NDRG1: variants seen among roughly 807,000 people sequenced by gnomAD.
The protein encoded by NDRG1 is N-myc downstream regulated 1, also known as protein NDRG1.
Under a neutral mutation model 56.9 loss-of-function variants are expected in NDRG1, and 32 were observed. The ratio of observed to expected loss-of-function variants is 0.56; its 90% CI spans 0.42 to 0.76. NDRG1 has a LOEUF of 0.76. NDRG1 is among the 30% of genes least tolerant of loss of function. NDRG1 has a pLI of 0.00. For synonymous variants in NDRG1, 211 were observed against 204.1 expected, an observed-to-expected ratio of 1.03 and a Z score of -0.29; for missense variants, 507 against 545.7, an observed-to-expected ratio of 0.93 and a Z score of 0.71.
intron 1 of NDRG1, among the ~76,000 whole-genome samples, chr8:133,286,246 T>C (rs188976444): frequency 1.3e-5 from 2 of 152,342 alleles, no homozygotes; most frequent in East Asian, 3.9e-4. Context: ...TTCAGTAAAA[T>C]TCACTTTTAA....
intron 14 of NDRG1, among the ~76,000 whole-genome samples, chr8:133,242,782 G>A: frequency 1.3e-5 from 1 of 77,094 alleles, no homozygotes; most frequent in East Asian, 2.8e-4. Flanking sequence ...AAGAATTGAT[G>A]GACAAAAGGA....
rs1249886836 is a variant in NDRG1 at position 133,286,711 on chromosome 8, G to T, written c.-18-2382C>A. On this transcript the variant is annotated intron_variant, in intron 1 of 15. Coordinates refer to ENST00000323851, the MANE Select transcript of NDRG1 (RefSeq NM_006096.4). ...ATCACGGGGTATATCTAAACTAGGG[G>T]GGATTTTCTCTCCCAGGGGACATTT... 4.6e-5 allele frequency among the ~76,000 whole-genome samples: 7 copies of T among 152,264 alleles called. No individual in the cohort carries two copies. In the East Asian group the frequency reaches 1.4e-3, roughly 29 times the overall value.
intron 2 of NDRG1, among the ~76,000 whole-genome samples, chr8:133,283,639 A>C (rs1308418863): frequency 1.3e-5 from 2 of 152,230 alleles, no homozygotes; most frequent in African/African-American, 4.8e-5. Flanking sequence ...ACTGTTCCCT[A>C]TGAATTAGGT....
intron 2 of NDRG1, among the ~76,000 whole-genome samples, 169 bp downstream of exon 2, chr8:133,284,074 CTGTATG>C (rs1857963353): frequency 6.6e-6 from 1 of 152,204 alleles, no homozygotes; most frequent in African/African-American, 2.4e-5. Flanking sequence ...GCATGTGTGT[CTGTATG>C]CTATGTACAT....
chr8:133,258,277 C>T (rs1452992660), intron 7 of NDRG1, 89 bp downstream of exon 7: 2 of 1,362,034 alleles, frequency 1.5e-6, no homozygotes, highest in Non-Finnish European at 1.0e-6. Flanking sequence ...TTCTTTTTCC[C>T]TTTTGGGTTT....
At chr8:133,262,668 G>A (rs754233605) in intron 4 of NDRG1, among the ~76,000 whole-genome samples, 3 of 152,282 alleles carry the variant, frequency 2.0e-5, no homozygotes, top group Non-Finnish European at 4.4e-5. Flanking sequence ...TAAGGAAGTC[G>A]GGCTGCTCAC....
At chr8:133,261,048 G>C (rs897933146) in intron 5 of NDRG1, among the ~76,000 whole-genome samples, 4 of 152,194 alleles carry the variant, frequency 2.6e-5, no homozygotes, top group Admixed American at 6.5e-5. Context: ...ATGTTCCAAA[G>C]AGGATACACG....
chr8:133,246,724 C>T, intron 12 of NDRG1, 61 bp from the exon 13 acceptor site: 1 of 1,437,888 alleles, frequency 7.0e-7, no homozygotes, highest in Non-Finnish European at 9.8e-7. Flanking sequence ...AAACATCTCC[C>T]CCTTCTCCGC....
intron 1 of NDRG1, 149 bp from the exon 2 acceptor site, chr8:133,284,478 G>A: frequency 1.4e-6 from 1 of 709,402 alleles, no homozygotes; most frequent in Non-Finnish European, 2.5e-6. Flanking sequence ...GGATGAGGAG[G>A]TCCCTTGTAC....
chr8:133,291,934 T>C (rs1367011099), intron 1 of NDRG1, among the ~76,000 whole-genome samples: 2 of 151,824 alleles, frequency 1.3e-5, no homozygotes, highest in Non-Finnish European at 2.9e-5. Flanking sequence ...TCAGCAAGAG[T>C]GTCCCAAACA....
At chr8:133,239,262 C>A in intron 15 of NDRG1, 143 bp from the exon 16 acceptor site, 1 of 1,317,766 alleles carries the variant, frequency 7.6e-7, no homozygotes, top group Non-Finnish European at 1.0e-6. Context: ...TGCTGGGCCC[C>A]CGTCCTCTCC....
chr8:133,255,227 G>A, intron 8 of NDRG1: 1 of 453,324 alleles, frequency 2.2e-6, no homozygotes, highest in Non-Finnish European at 4.4e-6. Context: ...GCTGGCCCTT[G>A]CCTGCCACAG....
intron 3 of NDRG1, among the ~76,000 whole-genome samples, chr8:133,278,383 TC>T (rs1857578415): frequency 6.6e-6 from 1 of 152,228 alleles, no homozygotes; most frequent in East Asian, 1.9e-4. Flanking sequence ...TCCCTCAGGT[TC>T]CCCAGCTGTA....
chr8:133,242,873 G>A (rs1313657326), intron 14 of NDRG1, among the ~76,000 whole-genome samples: 1 of 152,206 alleles, frequency 6.6e-6, no homozygotes, highest in Non-Finnish European at 1.5e-5. Context: ...GATGATGGTT[G>A]GATGGTTCGT....
chr8:133,270,999 G>A (rs1319432938), intron 3 of NDRG1, among the ~76,000 whole-genome samples: 7 of 152,160 alleles, frequency 4.6e-5, no homozygotes, highest in African/African-American at 1.7e-4. Context: ...CAGTTGTTAT[G>A]GACAACCGCT....
At chr8:133,258,760 G>A (rs1047244032) in intron 6 of NDRG1, among the ~76,000 whole-genome samples, 3 of 152,202 alleles carry the variant, frequency 2.0e-5, no homozygotes, top group Non-Finnish European at 4.4e-5. Context: ...AACAAATTGA[G>A]CAAGAACCAT....
At chr8:133,283,634 T>C (rs1857936654) in intron 2 of NDRG1, among the ~76,000 whole-genome samples, 1 of 152,234 alleles carries the variant, frequency 6.6e-6, no homozygotes, top group Non-Finnish European at 1.5e-5. Context: ...TTCTAACTGT[T>C]CCCTATGAAT....
chr8:133,245,432 T>C (rs1282238442), intron 13 of NDRG1, among the ~76,000 whole-genome samples: 2 of 152,176 alleles, frequency 1.3e-5, no homozygotes, highest in African/African-American at 2.4e-5. Flanking sequence ...TGAGGTCATA[T>C]TGGATTAGAG....
chr8:133,258,930 G>C (rs1703248844), intron 6 of NDRG1: 13 of 590,278 alleles, frequency 2.2e-5, no homozygotes, highest in Non-Finnish European at 3.6e-5. Flanking sequence ...GGGTGGGGCA[G>C]CTGCCATCAT....
Sources: gnomAD v4.1 joint callset for allele counts (sites outside exome capture counted in the v4.1 genomes callset) on GRCh38, gnomAD v4.1.1 for gene constraint, MANE v1.5 for transcripts, NCBI Gene and HGNC (gene_info 2026-07-23, HGNC 2026-07-21) for gene names.